The following BASP1 variants were observed in gnomAD, a reference collection of about 807,000 sequenced individuals.
BASP1 encodes the protein brain abundant membrane attached signal protein 1.
BASP1 carries 1 observed loss-of-function variant against 2.2 expected under a neutral mutation model. That is an observed-to-expected ratio of 0.46 (90% CI 0.16 to 2.17). The LOEUF is 2.17. Ranked by LOEUF, BASP1 falls within the 30% of genes most tolerant of loss-of-function variation. The pLI is 0.27. For synonymous variants in BASP1, 187 were observed against 154.2 expected, an observed-to-expected ratio of 1.21 and a Z score of -1.58; for missense variants, 352 against 327.2, an observed-to-expected ratio of 1.08 and a Z score of -0.58.
At chr5:17,242,580 T>A (rs1739889134) in intron 1 of BASP1, among the ~76,000 whole-genome samples, 1 of 152,236 alleles carries the variant, frequency 6.6e-6, no homozygotes, top group African/African-American at 2.4e-5. Flanking sequence ...TAATGACACG[T>A]ATCTCCAATT....
intron 1 of BASP1, among the ~76,000 whole-genome samples, chr5:17,228,305 A>G (rs994624873): frequency 2.6e-5 from 4 of 152,192 alleles, no homozygotes; most frequent in African/African-American, 9.6e-5. Flanking sequence ...ATCGTAAGAG[A>G]ACTCAACTGA....
chr5:17,233,751 A>T (rs2126494690), intron 1 of BASP1, among the ~76,000 whole-genome samples: 1 of 150,378 alleles, frequency 6.6e-6, no homozygotes, highest in East Asian at 2.0e-4. Context: ...CAAGTAGATG[A>T]TATTTTCTTT....
At position 17,232,834 on chromosome 5, in the gene BASP1, T is replaced by C. The variant is rs941533382; in HGVS notation, c.-10+15024T>C. ...GATGGTCAACATTCACCTTCTGCTG[T>C]CTCATTTCTGAGACATGAGACAGCC... On this transcript the variant is annotated intron_variant, in intron 1 of 1. Transcript: ENST00000322611. 3.3e-5 allele frequency among the ~76,000 whole-genome samples: 5 copies of C among 152,198 alleles called. No individual in the cohort carries two copies. The East Asian group carries it at 9.6e-4, about 29-fold the overall frequency.
intron 1 of BASP1, among the ~76,000 whole-genome samples, chr5:17,240,036 TG>T (rs2126499547): frequency 6.6e-6 from 1 of 152,046 alleles, no homozygotes; most frequent in East Asian, 1.9e-4. Flanking sequence ...AAGTAAGAGC[TG>T]GGGCCTTTTG....
chr5:17,219,488 C>A (rs918741401), intron 1 of BASP1, among the ~76,000 whole-genome samples: 1 of 152,156 alleles, frequency 6.6e-6, no homozygotes, highest in African/African-American at 2.4e-5. Context: ...TATTTTGTAC[C>A]CGCACACTGT....
chr5:17,275,119 G>C lies in BASP1; in HGVS notation c.-9-89G>C. ...TGGGGTGTGCAGTGCAGCAGGCCCA[G>C]AACCCCTTGCTTTGCAAAATGCAGC... On this transcript the variant is annotated intron_variant, in intron 1 of 1. Coordinates refer to ENST00000322611, the MANE Select transcript of BASP1 (RefSeq NM_006317.5). The surrounding 1 kb of genome is among the most constrained non-coding windows in gnomAD (Gnocchi z 5.3). The C allele has an allele frequency of 7.7e-7, 1 of 1,296,360 alleles. No individual in the cohort carries two copies. Among genetic ancestry groups the C allele is most frequent in the Non-Finnish European group, 1.1e-6 (1 of 918,756 alleles). The allele number at this position is 1,296,360 out of a possible 1,614,324, so 80.3% of individuals were successfully genotyped here.
rs139822126 is a variant in BASP1, at chr5:17,258,835, A to G, written c.-9-16373A>G. 5.4e-3 allele frequency among the ~76,000 whole-genome samples: 815 copies of G among 152,332 alleles called. 11 individuals carry two copies. Among genetic ancestry groups the G allele is most frequent in the African/African-American group, 0.019 (787 of 41,570 alleles). ...TTTTTTAGGTAGCTAAAGGGCTCAA[A>G]TTTGAAGAAGGCAAAAGTGTGGAGC... On this transcript the variant is annotated intron_variant, in intron 1 of 1. Coordinates refer to ENST00000322611, the MANE Select transcript of BASP1 (RefSeq NM_006317.5).
At chr5:17,273,052 C>T (rs1740561576) in intron 1 of BASP1, among the ~76,000 whole-genome samples, 2 of 152,070 alleles carry the variant, frequency 1.3e-5, no homozygotes, top group South Asian at 4.1e-4. Flanking sequence ...AGAGAAGATC[C>T]TAAAGGCAGA....
intron 1 of BASP1, among the ~76,000 whole-genome samples, chr5:17,237,284 C>G (rs562245404): frequency 6.6e-6 from 1 of 152,058 alleles, no homozygotes; most frequent in African/African-American, 2.4e-5. Flanking sequence ...GCGGAGCTTG[C>G]AGTGAGCCGA....
chr5:17,249,653 A>G (rs1404077881), intron 1 of BASP1, among the ~76,000 whole-genome samples: 2 of 152,184 alleles, frequency 1.3e-5, no homozygotes, highest in East Asian at 3.9e-4. Flanking sequence ...AGACCTCTAG[A>G]TTTTAATGTG....
Position 17,275,965 on chromosome 5 carries a change from C to CTCTCTA in BASP1, c.*71_*76dup. On this transcript the variant is annotated 3_prime_UTR_variant, in exon 2 of 2. Transcript: ENST00000322611. The surrounding 1 kb of genome is among the most constrained non-coding windows in gnomAD (Gnocchi z 5.3). ...ATCTCCTCTCTCTCTCTCTCTCTCT[C>CTCTCTA]TCTCTATCTCTCTCTCTATCTCCTC... is the stretch of plus-strand genomic sequence containing the variant. 2 of 1,236,478 alleles carry CTCTCTA rather than the reference C, an allele frequency of 1.6e-6. No homozygotes were observed. Among genetic ancestry groups the CTCTCTA allele is most frequent in the African/African-American group, 1.7e-5 (1 of 60,132 alleles). 76.6% of individuals were successfully genotyped at this position (1,236,478 alleles called of 1,614,324 possible). A position where few individuals can be genotyped will look rare whatever the true frequency, so the allele number is the denominator to read the frequency against.
chr5:17,220,235 G>C (rs1328002058), intron 1 of BASP1, among the ~76,000 whole-genome samples: 1 of 152,100 alleles, frequency 6.6e-6, no homozygotes, highest in Non-Finnish European at 1.5e-5. Flanking sequence ...CCATCTACTG[G>C]CTACGGTGGC....
At chr5:17,273,621 G>T (rs1222689539) in intron 1 of BASP1, among the ~76,000 whole-genome samples, 1 of 152,048 alleles carries the variant, frequency 6.6e-6, no homozygotes, top group East Asian at 1.9e-4. Flanking sequence ...ATAAATATAG[G>T]TTATTTCACT....
chr5:17,220,561 G>C (rs1487861238), intron 1 of BASP1, among the ~76,000 whole-genome samples: 2 of 151,220 alleles, frequency 1.3e-5, no homozygotes, highest in Non-Finnish European at 2.9e-5. Context: ...TTAGCAGATA[G>C]AGAAATTGAG....
At chr5:17,272,734 C>A (rs1206518266) in intron 1 of BASP1, among the ~76,000 whole-genome samples, 10 of 152,290 alleles carry the variant, frequency 6.6e-5, no homozygotes, top group Admixed American at 4.6e-4. Context: ...TGGATTGAGA[C>A]ATATTTTCTT....
At chr5:17,220,749 CT>C (rs1739379499) in intron 1 of BASP1, among the ~76,000 whole-genome samples, 1 of 152,156 alleles carries the variant, frequency 6.6e-6, no homozygotes, top group Non-Finnish European at 1.5e-5. Context: ...CTTCATAATC[CT>C]GGATTTACTA....
chr5:17,244,684 T>A lies in BASP1; in HGVS notation c.-10+26874T>A, dbSNP rs1579490195. Among the ~76,000 whole-genome samples, 7 of 151,806 alleles carry A rather than the reference T, an allele frequency of 4.6e-5. 1 individual carries two copies. In the Middle Eastern group the frequency reaches 0.024, roughly 516 times the overall value. On this transcript the variant is annotated intron_variant, in intron 1 of 1. Coordinates refer to ENST00000322611, the MANE Select transcript of BASP1 (RefSeq NM_006317.5). ...GTGTTTATGTATATCAAAGATACTA[T>A]AATTGTAGTGTTTTTTTTTTTTTTT...
intron 1 of BASP1, among the ~76,000 whole-genome samples, chr5:17,230,050 C>G (rs1739601294): frequency 6.6e-6 from 1 of 152,122 alleles, no homozygotes; most frequent in African/African-American, 2.4e-5. Flanking sequence ...CCGCACCTGG[C>G]CCAGACTTGA....
At chr5:17,272,656 A>C (rs969534464) in intron 1 of BASP1, among the ~76,000 whole-genome samples, 3 of 152,198 alleles carry the variant, frequency 2.0e-5, no homozygotes, top group Non-Finnish European at 2.9e-5. Context: ...CTGATACCTC[A>C]ATATAACCAG....
Sources: gnomAD v4.1 joint callset for allele counts (sites outside exome capture counted in the v4.1 genomes callset) on GRCh38, gnomAD v4.1.1 for gene constraint, Gnocchi (gnomAD v3.1) non-coding constraint, MANE v1.5 for transcripts, NCBI Gene and HGNC (gene_info 2026-07-23, HGNC 2026-07-21) for gene names.